Variants in KIRREL3 observed in about 807,000 individuals in gnomAD.
The protein encoded by KIRREL3 is kin of IRRE-like protein 3.
KIRREL3 carries 36 observed loss-of-function variants against 89.7 expected under a neutral mutation model. The observed-to-expected ratio is 0.40, with a 90% confidence interval of 0.31 to 0.53. KIRREL3 has a LOEUF of 0.53. KIRREL3 is among the 20% of genes least tolerant of loss of function. The probability of loss-of-function intolerance (pLI) is 0.49; values close to 1 mark genes in which losing one functional copy is unlikely to be tolerated. For missense variants in KIRREL3, 864 were observed against 1,056.6 expected (o/e 0.82, Z 2.53); for synonymous variants, 445 against 441.4 (o/e 1.01, Z -0.10).
At chr11:126,660,826 G>T (rs752725024) in intron 1 of KIRREL3, among the ~76,000 whole-genome samples, 1 of 152,142 alleles carries the variant, frequency 6.6e-6, no homozygotes, top group Non-Finnish European at 1.5e-5. Context: ...GATGCAATAT[G>T]GTTTTCCCTG....
rs749671802 is a variant in KIRREL3, at chr11:126,436,819, T to C, written c.1544A>G (p.Lys515Arg). 1 of 1,613,438 alleles carries C rather than the reference T, an allele frequency of 6.2e-7. No homozygotes were observed. The highest frequency in any genetic ancestry group is 1.3e-5 in the African/African-American group (1 of 74,922). The change falls in exon 12 of 17, where the codon AAG becomes AGG. Residue 515 changes from lysine (K) to arginine (R), a missense_variant. Physicochemically the swap from Lys to Arg is conservative, Grantham distance 26. Transcript: ENST00000525144. ...GCCCTGGCAGCTCTCACCTTGCTCC[T>C]TGAGCCGGATGATCTCAGTGTCGGA... is the stretch of plus-strand genomic sequence containing the variant. ...FGSDTEIIRL[K>R]EQGSEMKSGA... is the part of the protein sequence containing the mutation.
intron 1 of KIRREL3, among the ~76,000 whole-genome samples, chr11:126,839,760 G>A (rs370478170): frequency 7.2e-5 from 11 of 152,152 alleles, no homozygotes; most frequent in African/African-American, 2.7e-4. Context: ...GCATGCTTCG[G>A]TAATGTTTTA....
rs1287356578 is a variant in KIRREL3 at position 126,748,630 on chromosome 11, CG to C, written c.56-185719del. Among the ~76,000 whole-genome samples the C allele has an allele frequency of 6.6e-6, 1 of 151,926 alleles. No homozygotes were observed. On this transcript the variant is annotated intron_variant, in intron 1 of 16. Coordinates refer to ENST00000525144, the MANE Select transcript of KIRREL3 (RefSeq NM_032531.4). The surrounding 1 kb of genome is among the most constrained non-coding windows in gnomAD (Gnocchi z 4.6). ...TGTGGCAGGAAAGAAGAGGCCTCTG[CG>C]GGAAGGGGGCAGGGGCAGGAAGGCC...
At position 126,579,586 on chromosome 11, in the gene KIRREL3, C is replaced by T. The variant is rs1469501608; in HGVS notation, c.56-16674G>A. Among the ~76,000 whole-genome samples, 2 of 150,690 alleles carry T rather than the reference C, an allele frequency of 1.3e-5. No homozygotes were observed. The highest frequency in any genetic ancestry group is 2.4e-5 in the African/African-American group (1 of 40,950). On this transcript the variant is annotated intron_variant, in intron 1 of 16. Coordinates refer to ENST00000525144, the MANE Select transcript of KIRREL3 (RefSeq NM_032531.4). The surrounding 1 kb of genome is among the most constrained non-coding windows in gnomAD (Gnocchi z 5.3). ...GGGAGACAGAGAGTGAGAAAAGGGG[C>T]AGAAAAAACAGGGCAGGGTACAAAG...
In KIRREL3 at chr11:126,525,230, C is replaced by A. The variant is rs1049372654; in HGVS notation, c.283+1308G>T. ...AGTTGGAAACCCACTGACCGGGACC[C>A]CAGACAGCCTCCTTAACTAGCGGCA... On this transcript the variant is annotated intron_variant, in intron 3 of 16. Transcript: ENST00000525144. The surrounding 1 kb of genome is among the most constrained non-coding windows in gnomAD (Gnocchi z 5.4). Among the ~76,000 whole-genome samples, 1 of 152,200 alleles carries A rather than the reference C, an allele frequency of 6.6e-6. No individual in the cohort carries two copies. Among genetic ancestry groups the A allele is most frequent in the Non-Finnish European group, 1.5e-5 (1 of 68,026 alleles).
At position 126,601,063 on chromosome 11, in the gene KIRREL3, C is replaced by A. The variant is rs898595268; in HGVS notation, c.56-38151G>T. Among the ~76,000 whole-genome samples the A allele has an allele frequency of 7.9e-5, 12 of 152,124 alleles. No homozygotes were observed. Among genetic ancestry groups the A allele is most frequent in the Non-Finnish European group, 4.4e-5 (3 of 68,018 alleles). ...TCTTAGTCAGAAGCGAAATTTAAAACCCTTTGTCCCCCGTCCTCCCAGCCC... is the reference window on the plus strand; with the variant it reads ...TCTTAGTCAGAAGCGAAATTTAAAAACCTTTGTCCCCCGTCCTCCCAGCCC... On this transcript the variant is annotated intron_variant, in intron 1 of 16. Coordinates refer to ENST00000525144, the MANE Select transcript of KIRREL3 (RefSeq NM_032531.4). The surrounding 1 kb of genome is among the most constrained non-coding windows in gnomAD (Gnocchi z 5.8).
intron 1 of KIRREL3, among the ~76,000 whole-genome samples, chr11:126,661,421 A>G (rs1945396886): frequency 6.6e-6 from 1 of 152,204 alleles, no homozygotes; most frequent in South Asian, 2.1e-4. Context: ...GAGATGAATC[A>G]CCTGGGCTGA....
rs188681270 is a variant in KIRREL3 at position 126,808,045 on chromosome 11, T to C, written c.55+192410A>G. ...GGGAAAGAATGAATGTCTGAACTAG[T>C]GTGGATTAGGAGGAAGGTGAGCAAA... On this transcript the variant is annotated intron_variant, in intron 1 of 16. Transcript: ENST00000525144. This position sits in a 1 kb window ranked among gnomAD's most constrained non-coding sequence, Gnocchi z 4.1. 6.6e-6 allele frequency among the ~76,000 whole-genome samples: 1 copy of C among 152,148 alleles called. No individual in the cohort carries two copies. Among genetic ancestry groups the C allele is most frequent in the Admixed American group, 6.5e-5 (1 of 15,284 alleles).
At chr11:126,853,077 C>CT (rs201070822) in intron 1 of KIRREL3, among the ~76,000 whole-genome samples, 7 of 151,408 alleles carry the variant, frequency 4.6e-5, no homozygotes, top group Non-Finnish European at 8.9e-5. Context: ...TGTGTTGTTG[C>CT]TTTTTTTTTA....
At position 126,892,638 on chromosome 11, in the gene KIRREL3, C is replaced by G. The variant is rs544345249; in HGVS notation, c.55+107817G>C. 6.6e-6 allele frequency among the ~76,000 whole-genome samples: 1 copy of G among 152,146 alleles called. No homozygotes were observed. Among genetic ancestry groups the G allele is most frequent in the African/African-American group, 2.4e-5 (1 of 41,434 alleles). On this transcript the variant is annotated intron_variant, in intron 1 of 16. Transcript: ENST00000525144. This position sits in a 1 kb window ranked among gnomAD's most constrained non-coding sequence, Gnocchi z 5.4. ...TGTATGTATTATGTGTGTGTGTTTC[C>G]GGTGGGCAGGTGTGGCTGGAGGCAT...
rs1205947490 is a variant in KIRREL3, at chr11:126,742,348, T to C, written c.56-179436A>G. Among the ~76,000 whole-genome samples, 3 of 152,200 alleles carry C rather than the reference T, an allele frequency of 2.0e-5. No individual in the cohort carries two copies. The highest frequency in any genetic ancestry group is 7.2e-5 in the African/African-American group (3 of 41,444). ...GGGGTTGGGAGAAGTGTGGTATTCT[T>C]AGGATAGTGTATCCTAACCTGCTTG... is the stretch of plus-strand genomic sequence containing the variant. On this transcript the variant is annotated intron_variant, in intron 1 of 16. Transcript: ENST00000525144. This position sits in a 1 kb window ranked among gnomAD's most constrained non-coding sequence, Gnocchi z 5.3.
At chr11:126,732,116 G>T (rs1164506222) in intron 1 of KIRREL3, among the ~76,000 whole-genome samples, 2 of 152,224 alleles carry the variant, frequency 1.3e-5, no homozygotes, top group African/African-American at 4.8e-5. Context: ...CCTGCCTGGG[G>T]TCTTTACAAT....
rs1947136888 is a variant in KIRREL3, at chr11:126,918,634, T to C, written c.55+81821A>G. On this transcript the variant is annotated intron_variant, in intron 1 of 16. Coordinates refer to ENST00000525144, the MANE Select transcript of KIRREL3 (RefSeq NM_032531.4). The surrounding 1 kb of genome is among the most constrained non-coding windows in gnomAD (Gnocchi z 6.5). ...TTCTCTGCCTCCTAGGAGTTTATAA[T>C]CTAAGAAAGGGATTGCAAATACATA... 6.6e-6 allele frequency among the ~76,000 whole-genome samples: 1 copy of C among 152,202 alleles called. No individual in the cohort carries two copies. Among genetic ancestry groups the C allele is most frequent in the South Asian group, 2.1e-4 (1 of 4,832 alleles).
rs1349431373 is a variant in KIRREL3, at chr11:126,795,351, G to T, written c.55+205104C>A. On this transcript the variant is annotated intron_variant, in intron 1 of 16. Coordinates refer to ENST00000525144, the MANE Select transcript of KIRREL3 (RefSeq NM_032531.4). This position sits in a 1 kb window ranked among gnomAD's most constrained non-coding sequence, Gnocchi z 4.1. ...GGGCAGAGGTTGGGAGGGAGAGGAC[G>T]TACATATAAATTTTATTTTATTTTA... is the stretch of plus-strand genomic sequence containing the variant. 1.3e-5 allele frequency among the ~76,000 whole-genome samples: 2 copies of T among 152,110 alleles called. No homozygotes were observed. The highest frequency in any genetic ancestry group is 1.9e-4 in the East Asian group (1 of 5,200).
chr11:126,793,056 A>C (rs1305464236), intron 1 of KIRREL3, among the ~76,000 whole-genome samples: 1 of 152,190 alleles, frequency 6.6e-6, no homozygotes, highest in East Asian at 1.9e-4. Flanking sequence ...ACACAATAAA[A>C]TTAAAGTGTT....
chr11:126,681,615 C>A (rs1946458508), intron 1 of KIRREL3, among the ~76,000 whole-genome samples: 1 of 152,022 alleles, frequency 6.6e-6, no homozygotes, highest in Admixed American at 6.5e-5. Context: ...TACAGACACA[C>A]ACACACACAC....
At position 126,844,146 on chromosome 11, in the gene KIRREL3, G is replaced by C. The variant is rs1944056078; in HGVS notation, c.55+156309C>G. Reference sequence around the variant, plus strand: ...CAGTAACATCTTCCTGGTAACCCAGGTGGGACAATAGTGAGGAAACCCCCA... The same window carrying C: ...CAGTAACATCTTCCTGGTAACCCAGCTGGGACAATAGTGAGGAAACCCCCA... On this transcript the variant is annotated intron_variant, in intron 1 of 16. Coordinates refer to ENST00000525144, the MANE Select transcript of KIRREL3 (RefSeq NM_032531.4). This position sits in a 1 kb window ranked among gnomAD's most constrained non-coding sequence, Gnocchi z 4.8. 6.6e-6 allele frequency among the ~76,000 whole-genome samples: 1 copy of C among 152,162 alleles called. No homozygotes were observed. The highest frequency in any genetic ancestry group is 1.5e-5 in the Non-Finnish European group (1 of 68,040).
intron 1 of KIRREL3, among the ~76,000 whole-genome samples, chr11:126,894,542 C>CAAAAAAAAAA (rs10630231): frequency 1.1e-4 from 2 of 17,484 alleles, no homozygotes; most frequent in African/African-American, 2.5e-4. Context: ...GACCTCATCT[C>CAAAAAAAAAA]AAAAAAAAAA....
chr11:126,614,565 T>C lies in KIRREL3; in HGVS notation c.56-51653A>G, dbSNP rs1943267137. Among the ~76,000 whole-genome samples, 1 of 152,188 alleles carries C rather than the reference T, an allele frequency of 6.6e-6. No homozygotes were observed. The highest frequency in any genetic ancestry group is 2.4e-5 in the African/African-American group (1 of 41,466). On this transcript the variant is annotated intron_variant, in intron 1 of 16. Coordinates refer to ENST00000525144, the MANE Select transcript of KIRREL3 (RefSeq NM_032531.4). This position sits in a 1 kb window ranked among gnomAD's most constrained non-coding sequence, Gnocchi z 4.6. ...GGGCATTGGTGTCTCTACTAAACAC[T>C]GCCCAGGTGGTTCTATCATCAAGCC...
Sources: gnomAD v4.1 joint callset for allele counts (sites outside exome capture counted in the v4.1 genomes callset) on GRCh38, gnomAD v4.1.1 for gene constraint, Gnocchi (gnomAD v3.1) non-coding constraint, MANE v1.5 for transcripts, NCBI Gene and HGNC (gene_info 2026-07-23, HGNC 2026-07-21) for gene names.